The following BRDT variants were observed in gnomAD, a reference collection of about 807,000 sequenced individuals.
BRDT encodes the protein bromodomain testis-specific protein.
Under a neutral mutation model 113.9 loss-of-function variants are expected in BRDT, and 77 were observed. That is an observed-to-expected ratio of 0.68 (90% CI 0.56 to 0.82). The LOEUF (loss-of-function observed/expected upper bound fraction) is 0.82. BRDT is among the 40% of genes least tolerant of loss of function. BRDT has a pLI of 0.00. For synonymous variants in BRDT, 358 were observed against 366.5 expected (o/e 0.98, Z 0.26); for missense variants, 1,027 against 1,105.4 (o/e 0.93, Z 1.01).
chr1:91,979,213 A>C (rs943424915), intron 7 of BRDT, among the ~76,000 whole-genome samples: 1 of 150,750 alleles, frequency 6.6e-6, no homozygotes, highest in Admixed American at 6.6e-5. Flanking sequence ...TCCCGGGTTC[A>C]AGCGATTCTC....
intron 12 of BRDT, among the ~76,000 whole-genome samples, chr1:91,983,304 G>T (rs1223191311): frequency 5.4e-5 from 7 of 128,610 alleles, no homozygotes; most frequent in Admixed American, 9.0e-5. Context: ...TCCCTCTGTT[G>T]CCCAGGCTGG....
chr1:91,981,451 C>T (rs1421008616), intron 11 of BRDT, 70 bp downstream of exon 11: 3 of 1,499,568 alleles, frequency 2.0e-6, no homozygotes, highest in African/African-American at 2.8e-5. Flanking sequence ...TGTGATATTG[C>T]CCAGGCTGGT....
chr1:91,980,889 T>C lies in BRDT; in HGVS notation c.1461T>C (p.Asn487=), dbSNP rs200091900. Residue 487 remains asparagine, a splice_region_variant and synonymous_variant, in exon 10 of 19, where the codon AAT becomes AAC. Coordinates refer to ENST00000399546, the MANE Select transcript of BRDT (RefSeq NM_207189.4). ...QMRLKEKSKR[N]QPKKRKQQFI... is the part of the protein sequence containing the mutation. Reference sequence around the variant, plus strand: ...GGACTAAATTTAGTTTTTGTTACAGTCAGCCAAAGAAAAGGAAACAACAGT... The same window carrying C: ...GGACTAAATTTAGTTTTTGTTACAGCCAGCCAAAGAAAAGGAAACAACAGT... 7.4e-5 allele frequency: 119 copies of C among 1,598,104 alleles called. No homozygotes were observed. The highest frequency in any genetic ancestry group is 2.8e-5 in the Non-Finnish European group (33 of 1,175,328).
chr1:91,967,722 AG>A (rs1266033028), intron 3 of BRDT, among the ~76,000 whole-genome samples: 1 of 151,166 alleles, frequency 6.6e-6, no homozygotes, highest in African/African-American at 2.4e-5. Context: ...TAGTAGAGAC[AG>A]GGTTTCTCCA....
At chr1:91,986,432 GA>G (rs1349945664) in intron 12 of BRDT, among the ~76,000 whole-genome samples, 2 of 152,152 alleles carry the variant, frequency 1.3e-5, no homozygotes, top group Non-Finnish European at 2.9e-5. Context: ...TGATTAGTGT[GA>G]AATAGAATTT....
At chr1:91,970,925 A>G (rs1284940033) in intron 4 of BRDT, among the ~76,000 whole-genome samples, 2 of 151,952 alleles carry the variant, frequency 1.3e-5, no homozygotes, top group Non-Finnish European at 2.9e-5. Context: ...AAAAAAAAAA[A>G]AAAAAGAAAA....
chr1:92,001,735 T>G (rs1268364844), intron 15 of BRDT, among the ~76,000 whole-genome samples: 2 of 149,788 alleles, frequency 1.3e-5, no homozygotes, highest in African/African-American at 4.9e-5. Flanking sequence ...CTGAGGTCAG[T>G]CTAAACTGGA....
chr1:91,969,833 T>TTG (rs1557818896), intron 4 of BRDT, among the ~76,000 whole-genome samples: 5 of 145,956 alleles, frequency 3.4e-5, no homozygotes, highest in African/African-American at 7.5e-5. Context: ...GTTTTTTTTT[T>TTG]TTTTTTTTTT....
intron 1 of BRDT, among the ~76,000 whole-genome samples, chr1:91,960,941 T>C (rs1471780201): frequency 6.6e-6 from 1 of 152,220 alleles, no homozygotes; most frequent in Non-Finnish European, 1.5e-5. Flanking sequence ...ACCTATGAAA[T>C]TTAAAATATT....
chr1:91,964,490 C>T, intron 2 of BRDT, 137 bp from the exon 3 acceptor site: 3 of 546,644 alleles, frequency 5.5e-6, no homozygotes, highest in Non-Finnish European at 8.5e-6. Context: ...CCACTGTGCC[C>T]AGCCAGAATA....
intron 17 of BRDT, 80 bp from the exon 18 acceptor site, chr1:92,005,039 A>G (rs1425514015): frequency 8.8e-7 from 1 of 1,135,164 alleles, no homozygotes; most frequent in African/African-American, 1.6e-5. Context: ...ATATGGCTTT[A>G]TATTTGTCAT....
intron 13 of BRDT, among the ~76,000 whole-genome samples, 161 bp downstream of exon 13, chr1:91,991,406 A>G (rs962797972): frequency 1.3e-5 from 2 of 152,226 alleles, no homozygotes; most frequent in Non-Finnish European, 2.9e-5. Flanking sequence ...TTCCTGAAGA[A>G]AACCGAATAG....
intron 16 of BRDT, 146 bp downstream of exon 16, chr1:92,002,295 G>C (rs74101072): frequency 1.7e-6 from 1 of 598,508 alleles, no homozygotes; most frequent in Non-Finnish European, 3.0e-6. Context: ...TTTTGAAAAA[G>C]TACTTCTGAG....
chr1:91,955,184 G>A (rs180983775), intron 1 of BRDT, among the ~76,000 whole-genome samples: 3 of 152,076 alleles, frequency 2.0e-5, no homozygotes, highest in Non-Finnish European at 2.9e-5. Flanking sequence ...GTCTGGGTGC[G>A]GTGGCTCAAT....
intron 6 of BRDT, among the ~76,000 whole-genome samples, chr1:91,977,724 C>T (rs967391174): frequency 7.0e-6 from 1 of 142,392 alleles, no homozygotes; most frequent in Non-Finnish European, 1.5e-5. Context: ...AAAAAAAAAG[C>T]TGGGAATGGT....
chr1:91,994,848 A>G (rs925044206), intron 15 of BRDT, among the ~76,000 whole-genome samples: 1 of 126,418 alleles, frequency 7.9e-6, no homozygotes, highest in African/African-American at 3.0e-5. Flanking sequence ...AGCCTGGGCG[A>G]CAGAGCAAGA....
intron 7 of BRDT, among the ~76,000 whole-genome samples, chr1:91,978,983 G>C (rs1684425818): frequency 8.6e-6 from 1 of 116,264 alleles, no homozygotes; most frequent in African/African-American, 3.1e-5. Context: ...GGGCGACAGA[G>C]CGAGACTACG....
intron 18 of BRDT, among the ~76,000 whole-genome samples, chr1:92,008,759 T>C (rs1316576621): frequency 6.6e-6 from 1 of 152,242 alleles, no homozygotes; most frequent in African/African-American, 2.4e-5. Flanking sequence ...TCATGCCCTA[T>C]GCAGCCTTTT....
At chr1:91,965,742 GAGGCTGAGGC>G (rs936522693) in intron 3 of BRDT, among the ~76,000 whole-genome samples, 16 of 152,086 alleles carry the variant, frequency 1.1e-4, no homozygotes, top group African/African-American at 3.9e-4. Flanking sequence ...AGCTACTCGG[GAGGCTGAGGC>G]AGGAGAATCG....
Sources: allele counts gnomAD v4.1 joint callset (sites outside exome capture counted in the v4.1 genomes callset), GRCh38; gene constraint gnomAD v4.1.1; transcripts MANE v1.5; gene names NCBI Gene and HGNC (gene_info 2026-07-23, HGNC 2026-07-21).